LRP1B: variants seen among roughly 807,000 people sequenced by gnomAD.
LRP1B encodes LDL receptor related protein 1B.
In LRP1B, 217 loss-of-function variants were observed where a neutral mutation model predicts 556.6. The ratio of observed to expected loss-of-function variants is 0.39; its 90% CI spans 0.35 to 0.44. The LOEUF (loss-of-function observed/expected upper bound fraction) is 0.44. Ranked by LOEUF, LRP1B falls within the 20% of genes least tolerant of loss-of-function variation. The pLI is 1.00. For synonymous variants in LRP1B, 2,047 were observed against 1,865.8 expected, an observed-to-expected ratio of 1.10 and a Z score of -2.50; for missense variants, 5,053 against 5,620.8, an observed-to-expected ratio of 0.90 and a Z score of 3.23.
At chr2:141,600,866 A>G (rs900205192) in intron 2 of LRP1B, among the ~76,000 whole-genome samples, 6 of 152,076 alleles carry the variant, frequency 3.9e-5, no homozygotes, top group Admixed American at 3.9e-4. Context: ...TGTCACAAGG[A>G]AGTGGTTTAG....
chr2:140,657,586 C>CAT (rs55724105), intron 41 of LRP1B, among the ~76,000 whole-genome samples: 17 of 145,238 alleles, frequency 1.2e-4, no homozygotes, highest in Admixed American at 2.1e-4. Context: ...CATATATATA[C>CAT]ATACATACAT....
intron 7 of LRP1B, among the ~76,000 whole-genome samples, chr2:141,157,479 T>C (rs371540001): frequency 6.6e-6 from 1 of 152,124 alleles, no homozygotes; most frequent in African/African-American, 2.4e-5. Flanking sequence ...CAAAGTCACA[T>C]GCATAGTATC....
At chr2:140,450,716 G>A (rs1686851267) in intron 62 of LRP1B, 55 bp from the exon 63 acceptor site, 3 of 1,233,672 alleles carry the variant, frequency 2.4e-6, no homozygotes, top group Non-Finnish European at 3.5e-6. Context: ...CATATATAAT[G>A]GATAATTTAA....
At chr2:141,539,885 A>C (rs76310879) in intron 2 of LRP1B, among the ~76,000 whole-genome samples, 1,657 of 152,264 alleles carry the variant, frequency 0.011, 14 homozygotes, top group Middle Eastern at 0.017. Flanking sequence ...CATGGGACCT[A>C]CAAAAGTAAG....
chr2:141,845,847 G>T (rs930802134), intron 1 of LRP1B, among the ~76,000 whole-genome samples: 3 of 151,684 alleles, frequency 2.0e-5, no homozygotes, highest in African/African-American at 7.3e-5. Flanking sequence ...ATACTGAAAA[G>T]AAAACAATTA....
At chr2:140,338,395 A>C (rs982599458) in intron 77 of LRP1B, among the ~76,000 whole-genome samples, 4 of 151,764 alleles carry the variant, frequency 2.6e-5, no homozygotes, top group African/African-American at 4.8e-5. Context: ...AACAAAAGAC[A>C]ATAAGGAGGA....
At chr2:141,291,248 G>A (rs1573762172) in intron 3 of LRP1B, among the ~76,000 whole-genome samples, 1 of 151,868 alleles carries the variant, frequency 6.6e-6, no homozygotes, top group Non-Finnish European at 1.5e-5. Flanking sequence ...TGAGAAAATT[G>A]TTTAGAATAA....
chr2:141,094,721 T>C (rs1700253533), intron 7 of LRP1B, among the ~76,000 whole-genome samples: 1 of 152,204 alleles, frequency 6.6e-6, no homozygotes, highest in Admixed American at 6.5e-5. Context: ...AAGAACTTCA[T>C]TACAATAGGG....
chr2:141,008,965 T>C (rs1697658850), intron 14 of LRP1B, among the ~76,000 whole-genome samples: 1 of 151,938 alleles, frequency 6.6e-6, no homozygotes, highest in South Asian at 2.1e-4. Context: ...TTAACTTTTG[T>C]TAATAAAGTA....
intron 3 of LRP1B, among the ~76,000 whole-genome samples, chr2:141,446,232 C>T (rs6429881): frequency 0.055 from 8,386 of 152,002 alleles, 727 homozygotes; most frequent in African/African-American, 0.19. Context: ...GATTGCAACC[C>T]CTGCTCTTTT....
intron 1 of LRP1B, among the ~76,000 whole-genome samples, chr2:141,950,837 CT>C (rs969555357): frequency 3.9e-5 from 6 of 152,022 alleles, no homozygotes; most frequent in Admixed American, 6.6e-5. Context: ...AGTCAACTAA[CT>C]TTTGGTGTTT....
chr2:142,059,456 G>A (rs988334555), intron 1 of LRP1B, among the ~76,000 whole-genome samples: 4 of 151,988 alleles, frequency 2.6e-5, no homozygotes, highest in African/African-American at 9.7e-5. Flanking sequence ...AATGGTTTTT[G>A]GGGAAGAACT....
intron 3 of LRP1B, among the ~76,000 whole-genome samples, chr2:141,436,544 T>TA (rs1251308894): frequency 3.3e-5 from 5 of 152,182 alleles, no homozygotes; most frequent in South Asian, 4.1e-4. Context: ...GACTGGGTTT[T>TA]AAAAAAATTG....
chr2:142,114,758 G>A (rs1443363671), intron 1 of LRP1B, among the ~76,000 whole-genome samples: 1 of 152,076 alleles, frequency 6.6e-6, no homozygotes, highest in African/African-American at 2.4e-5. Flanking sequence ...GGAAAGGTGT[G>A]CTAGGGTGGG....
intron 32 of LRP1B, among the ~76,000 whole-genome samples, chr2:140,803,365 C>G (rs1470220662): frequency 6.7e-6 from 1 of 150,274 alleles, no homozygotes; most frequent in Non-Finnish European, 1.5e-5. Context: ...CAACCTCCAC[C>G]TCCCGGGTTC....
At chr2:140,983,090 C>T (rs1421550550) in intron 17 of LRP1B, among the ~76,000 whole-genome samples, 1 of 152,098 alleles carries the variant, frequency 6.6e-6, no homozygotes, top group Admixed American at 6.6e-5. Flanking sequence ...TTTTAAAAAG[C>T]ATGAAAGCTT....
intron 3 of LRP1B, among the ~76,000 whole-genome samples, chr2:141,410,411 A>T (rs72846851): frequency 0.089 from 13,583 of 152,040 alleles, 914 homozygotes; most frequent in Non-Finnish European, 0.13. Context: ...ACAGTGTTTT[A>T]AAAAGATGAT....
At chr2:142,128,790 T>C (rs780477100) in intron 1 of LRP1B, among the ~76,000 whole-genome samples, 1 of 152,208 alleles carries the variant, frequency 6.6e-6, no homozygotes, top group Non-Finnish European at 1.5e-5. Context: ...TCTGCTTCTA[T>C]CTTAGATGTT....
At chr2:141,659,882 G>A (rs1690149358) in intron 2 of LRP1B, among the ~76,000 whole-genome samples, 1 of 152,098 alleles carries the variant, frequency 6.6e-6, no homozygotes, top group Non-Finnish European at 1.5e-5. Context: ...CTAAGGGAGA[G>A]TGATAAATGA....
Sources: gnomAD v4.1 joint callset for allele counts (sites outside exome capture counted in the v4.1 genomes callset) on GRCh38, gnomAD v4.1.1 for gene constraint, MANE v1.5 for transcripts, NCBI Gene and HGNC (gene_info 2026-07-23, HGNC 2026-07-21) for gene names.